The following NIFK variants were observed in gnomAD, a reference collection of about 807,000 sequenced individuals.
NIFK encodes MKI67 FHA domain-interacting nucleolar phosphoprotein.
NIFK carries 16 observed loss-of-function variants against 31.7 expected under a neutral mutation model. The ratio of observed to expected loss-of-function variants is 0.50; its 90% CI spans 0.34 to 0.77. The LOEUF is 0.77. Among genes scored for constraint, NIFK ranks in the 30% least tolerant of loss-of-function variants. The pLI is 0.01. For missense variants in NIFK, 341 were observed against 350.4 expected, an observed-to-expected ratio of 0.97 and a Z score of 0.21; for synonymous variants, 126 against 123.0, an observed-to-expected ratio of 1.02 and a Z score of -0.16.
chr2:121,736,311 C>T (rs1333989358), intron 1 of NIFK, among the ~76,000 whole-genome samples: 2 of 152,234 alleles, frequency 1.3e-5, no homozygotes, highest in Non-Finnish European at 2.9e-5. Context: ...ACTCCCAGAT[C>T]ACCAACCCGG....
intron 4 of NIFK, among the ~76,000 whole-genome samples, chr2:121,729,190 C>G (rs928624703): frequency 1.3e-5 from 2 of 151,766 alleles, no homozygotes; most frequent in Non-Finnish European, 2.9e-5. Context: ...TGATGAAACC[C>G]TATCTCTACT....
In NIFK at chr2:121,727,658, G is replaced by C. The variant is rs969549594; in HGVS notation, c.*66C>G. ...CAAAGGTTGTATTCCATTGTACCTAGTGAAATACAAAGTCCACTCTCATAA... is the reference window on the plus strand; with the variant it reads ...CAAAGGTTGTATTCCATTGTACCTACTGAAATACAAAGTCCACTCTCATAA... On this transcript the variant is annotated 3_prime_UTR_variant, in exon 7 of 7. Transcript: ENST00000285814. The C allele has an allele frequency of 4.2e-6, 5 of 1,190,376 alleles. No homozygotes were observed. Among genetic ancestry groups the C allele is most frequent in the South Asian group, 2.7e-5 (2 of 74,914 alleles). The allele number at this position is 1,190,376 out of a possible 1,614,324, so 73.7% of individuals were successfully genotyped here.
intron 6 of NIFK, 110 bp from the exon 7 acceptor site, chr2:121,728,022 GCT>G (rs895475560): frequency 2.1e-5 from 22 of 1,035,840 alleles, no homozygotes; most frequent in African/African-American, 3.3e-5. Context: ...CATTATTTTA[GCT>G]CTGTTACCAT....
intron 2 of NIFK, among the ~76,000 whole-genome samples, chr2:121,734,941 A>G (rs2074568644): frequency 6.6e-6 from 1 of 152,220 alleles, no homozygotes; most frequent in Non-Finnish European, 1.5e-5. Flanking sequence ...TATCCCCCAC[A>G]TGCTAAATCA....
rs760272804 is a variant in NIFK at position 121,727,774 on chromosome 2, G to C, written c.832C>G (p.Gln278Glu). The C allele has an allele frequency of 6.2e-7, 1 of 1,606,818 alleles. No homozygotes were observed. The highest frequency in any genetic ancestry group is 8.5e-7 in the Non-Finnish European group (1 of 1,178,486). The change falls in exon 7 of 7, where the codon CAA becomes GAA. Residue 278 changes from glutamine to glutamate, a missense_variant. By Grantham distance (29) the Gln-to-Glu change is conservative. Transcript: ENST00000285814. ...TTTTTCCGTGAATGTGTAGGTGTTTGAGTCTCTTGTATTTCTTCTTTTACA... is the reference window on the plus strand; with the variant it reads ...TTTTTCCGTGAATGTGTAGGTGTTTCAGTCTCTTGTATTTCTTCTTTTACA... ...SCVKEEIQET[Q>E]TPTHSRKKRR...
At chr2:121,734,894 A>G (rs1459370460) in intron 2 of NIFK, among the ~76,000 whole-genome samples, 1 of 152,202 alleles carries the variant, frequency 6.6e-6, no homozygotes, top group Admixed American at 6.5e-5. Flanking sequence ...CCTACAATCT[A>G]TCTTTACGAC....
At chr2:121,736,703 T>A (rs1251785752) in intron 1 of NIFK, 43 bp downstream of exon 1, 23 of 1,537,048 alleles carry the variant, frequency 1.5e-5, no homozygotes, top group Non-Finnish European at 2.1e-5. Flanking sequence ...CTAGACCCGG[T>A]CCATCGCCCC....
chr2:121,734,556 G>C (rs7584761), intron 2 of NIFK, among the ~76,000 whole-genome samples: 12,527 of 151,970 alleles, frequency 0.082, 1,011 homozygotes, highest in African/African-American at 0.2. Flanking sequence ...ACTTTGGGAG[G>C]CCGAGGCGGG....
rs2074534125 is a variant in NIFK at position 121,730,891 on chromosome 2, A to G, written c.564+2T>C. On this transcript the variant is annotated splice_donor_variant, in intron 4 of 6. Transcript: ENST00000285814. LOFTEE classifies it high-confidence loss of function. The stretch of plus-strand genomic sequence containing the variant: ...CACAAAAAAGATTTCACGAATATTT[A>G]CCAAAGAAGGAAAATCATAGTCAAT... 1.3e-6 allele frequency: 2 copies of G among 1,596,478 alleles called. No homozygotes were observed. Among genetic ancestry groups the G allele is most frequent in the East Asian group, 2.2e-5 (1 of 44,802 alleles).
chr2:121,730,842 CCCCCT>C, intron 4 of NIFK, 46 bp downstream of exon 4: 1 of 1,270,776 alleles, frequency 7.9e-7, no homozygotes, highest in Non-Finnish European at 1.2e-6. Flanking sequence ...TACAAAGCTG[CCCCCT>C]CCCCTCCCCA....
At position 121,736,261 on chromosome 2, in the gene NIFK, T is replaced by TA. The variant is rs1204422834; in HGVS notation, c.105+484dup. 9.8e-5 allele frequency among the ~76,000 whole-genome samples: 15 copies of TA among 152,318 alleles called. No individual in the cohort carries two copies. The South Asian group carries it at 1.2e-3, about 13-fold the overall frequency. ...AAAGTATAAGCGATGTCAGGGGCCC[T>TA]AGTCAGCAAGTGGAACCTGGCAAAT... On this transcript the variant is annotated intron_variant, in intron 1 of 6. Transcript: ENST00000285814.
rs755289337 is a variant in NIFK, at chr2:121,728,548, A to C, written c.565-12T>G. 9 of 1,499,538 alleles carry C rather than the reference A, an allele frequency of 6.0e-6. No individual in the cohort carries two copies. The South Asian group carries it at 1.1e-4, about 18-fold the overall frequency. 92.9% of individuals were successfully genotyped at this position (1,499,538 alleles called of 1,614,324 possible). On this transcript the variant is annotated splice_polypyrimidine_tract_variant and intron_variant, in intron 4 of 6. Coordinates refer to ENST00000285814, the MANE Select transcript of NIFK (RefSeq NM_032390.5). ...GTTTTCTGTAAAATCTTTAATAAAG[A>C]AGTTAGAAATTGACACTCATATCTT...
At chr2:121,728,043 G>A in intron 6 of NIFK, 131 bp from the exon 7 acceptor site, 1 of 866,326 alleles carries the variant, frequency 1.2e-6, no homozygotes, top group South Asian at 2.0e-5. Context: ...ATCTTTTGGT[G>A]ATACTATTGC....
In NIFK at chr2:121,727,786, T is replaced by C. The variant is rs2074502259; in HGVS notation, c.820A>G (p.Ile274Val). The change falls in exon 7 of 7, where the codon ATA becomes GTA. Residue 274 changes from isoleucine to valine, a missense_variant. Ile to Val is a conservative substitution (Grantham distance 29). Transcript: ENST00000285814. Reference protein sequence around the residue: ...KQPISCVKEEIQETQTPTHSR... With the variant: ...KQPISCVKEEVQETQTPTHSR... ...TGTGTAGGTGTTTGAGTCTCTTGTA[T>C]TTCTTCTTTTACACAGGATATGGGC... 6.2e-7 allele frequency: 1 copy of C among 1,609,706 alleles called. No individual in the cohort carries two copies. Among genetic ancestry groups the C allele is most frequent in the African/African-American group, 1.3e-5 (1 of 74,776 alleles).
chr2:121,728,214 T>A (rs1409729485), intron 6 of NIFK, 74 bp downstream of exon 6: 3 of 921,178 alleles, frequency 3.3e-6, no homozygotes, highest in Non-Finnish European at 5.1e-6. Context: ...AAAATGAGAG[T>A]AGCAGAAACT....
At chr2:121,729,319 G>C (rs2074519165) in intron 4 of NIFK, among the ~76,000 whole-genome samples, 1 of 143,878 alleles carries the variant, frequency 7.0e-6, no homozygotes, top group Non-Finnish European at 1.5e-5. Flanking sequence ...AGTGAGCTGA[G>C]ATAGTGCCAC....
At chr2:121,729,367 CAAAA>C (rs966976474) in intron 4 of NIFK, among the ~76,000 whole-genome samples, 2 of 62,146 alleles carry the variant, frequency 3.2e-5, no homozygotes. Context: ...GACTCCATCT[CAAAA>C]AAAAAAAAAA....
rs1395225240 is a variant in NIFK at position 121,727,400 on chromosome 2, GT to G, written c.*323del. 1.9e-6 allele frequency: 1 copy of G among 513,410 alleles called. No individual in the cohort carries two copies. Among genetic ancestry groups the G allele is most frequent in the Non-Finnish European group, 3.9e-6 (1 of 255,892 alleles). 31.8% of individuals were successfully genotyped at this position (513,410 alleles called of 1,614,324 possible). ...ATTGCTGGCGACAGAAAAGGCTGCA[GT>G]TTAGTACTTAAACCTGCAGTTAGTG... On this transcript the variant is annotated 3_prime_UTR_variant, in exon 7 of 7. Transcript: ENST00000285814.
chr2:121,727,980 T>C lies in NIFK; in HGVS notation c.694-68A>G. ...ATGATTATGACTTTACCCAAAAATA[T>C]CATCTCTCCTCTATTTTTACAAGTT... On this transcript the variant is annotated intron_variant, in intron 6 of 6. Transcript: ENST00000285814. 9 of 1,343,826 alleles carry C rather than the reference T, an allele frequency of 6.7e-6. No homozygotes were observed. The South Asian group carries it at 1.2e-4, about 18-fold the overall frequency. 83.2% of individuals were successfully genotyped at this position (1,343,826 alleles called of 1,614,324 possible). A position where few individuals can be genotyped will look rare whatever the true frequency, so the allele number is the denominator to read the frequency against.
Sources: gnomAD v4.1 joint callset for allele counts (sites outside exome capture counted in the v4.1 genomes callset) on GRCh38, gnomAD v4.1.1 for gene constraint, MANE v1.5 for transcripts, NCBI Gene and HGNC (gene_info 2026-07-23, HGNC 2026-07-21) for gene names.